Variants in MAF observed in about 807,000 individuals in gnomAD.
MAF encodes transcription factor Maf.
MAF carries 10 observed loss-of-function variants against 22.0 expected under a neutral mutation model. The ratio of observed to expected loss-of-function variants is 0.45; its 90% CI spans 0.28 to 0.77. The LOEUF is 0.77. MAF is among the 30% of genes least tolerant of loss of function. The pLI, the probability that MAF is intolerant of heterozygous loss-of-function variation, is 0.12. For synonymous variants in MAF, 337 were observed against 255.8 expected (o/e 1.32, Z -3.03); for missense variants, 544 against 548.4 (o/e 0.99, Z 0.08).
At chr16:79,488,386 C>T in the MAF span, among the ~76,000 whole-genome samples, 4 of 152,144 alleles carry the variant, frequency 2.6e-5, no homozygotes, top group Non-Finnish European at 4.4e-5. Context: ...TGGGGCGAGA[C>T]TGCTTGGGAT....
At chr16:79,486,470 A>G in the MAF span, among the ~76,000 whole-genome samples, 4 of 152,214 alleles carry the variant, frequency 2.6e-5, no homozygotes, top group Admixed American at 6.5e-5. Context: ...AAACATAACA[A>G]TATTTTACCC....
the MAF span, among the ~76,000 whole-genome samples, chr16:79,512,551 A>G: frequency 2.0e-3 from 310 of 152,236 alleles, 3 homozygotes; most frequent in African/African-American, 7.1e-3. Context: ...CCAGCTCACC[A>G]TCTGAGCTGA....
the MAF span, among the ~76,000 whole-genome samples, chr16:79,219,285 G>C: frequency 2.6e-5 from 4 of 152,174 alleles, no homozygotes; most frequent in Admixed American, 1.3e-4. Flanking sequence ...TCTGATGCTG[G>C]GCATTCCCTG....
At chr16:79,221,240 G>C in the MAF span, among the ~76,000 whole-genome samples, 3 of 152,264 alleles carry the variant, frequency 2.0e-5, no homozygotes, top group African/African-American at 7.2e-5. Context: ...AGATTTGAAG[G>C]ACTTTATGAT....
the MAF span, among the ~76,000 whole-genome samples, chr16:79,293,553 C>T: frequency 6.6e-6 from 1 of 152,120 alleles, no homozygotes; most frequent in Non-Finnish European, 1.5e-5. Flanking sequence ...ATGAGTGATG[C>T]TAGACACCCA....
At chr16:79,574,148 C>G in the MAF span, among the ~76,000 whole-genome samples, 1 of 152,146 alleles carries the variant, frequency 6.6e-6, no homozygotes, top group African/African-American at 2.4e-5. Flanking sequence ...TCTTACAAGG[C>G]AGAGTGAAGA....
downstream of MAF, among the ~76,000 whole-genome samples, chr16:79,584,232 G>T (rs533779098): frequency 6.6e-6 from 1 of 152,302 alleles, no homozygotes; most frequent in South Asian, 2.1e-4. Context: ...CCAGAGAGCA[G>T]AAAAGCTAGT....
the MAF span, among the ~76,000 whole-genome samples, chr16:79,242,531 C>T: frequency 6.6e-6 from 1 of 151,824 alleles, no homozygotes; most frequent in Non-Finnish European, 1.5e-5. Context: ...GCACCCAATA[C>T]CGGAGCACCC....
chr16:79,471,526 A>T, the MAF span, among the ~76,000 whole-genome samples: 1 of 152,084 alleles, frequency 6.6e-6, no homozygotes, highest in South Asian at 2.1e-4. Flanking sequence ...AACCCACAAA[A>T]ATTAGTTGGG....
At chr16:79,508,041 G>A in the MAF span, among the ~76,000 whole-genome samples, 3 of 152,118 alleles carry the variant, frequency 2.0e-5, no homozygotes, top group East Asian at 5.8e-4. Context: ...ATGGACGTGA[G>A]GACTAGATTT....
At chr16:79,316,982 A>G in the MAF span, among the ~76,000 whole-genome samples, 1 of 152,200 alleles carries the variant, frequency 6.6e-6, no homozygotes, top group African/African-American at 2.4e-5. Flanking sequence ...GCAAAAGAAG[A>G]AAACAGGCTT....
the MAF span, among the ~76,000 whole-genome samples, chr16:79,536,084 A>C: frequency 6.6e-6 from 1 of 152,198 alleles, no homozygotes; most frequent in Non-Finnish European, 1.5e-5. Context: ...CAGACAGATA[A>C]ACCCTTTCTC....
the MAF span, among the ~76,000 whole-genome samples, chr16:79,334,426 AG>A: frequency 6.6e-6 from 1 of 152,130 alleles, no homozygotes; most frequent in Non-Finnish European, 1.5e-5. Context: ...GGTCACCTCT[AG>A]GGGGCGCTGA....
the MAF span, among the ~76,000 whole-genome samples, chr16:79,217,969 A>G: frequency 3.1e-5 from 4 of 128,456 alleles, no homozygotes; most frequent in Non-Finnish European, 6.2e-5. Flanking sequence ...AGCAGGCACC[A>G]TTTTTAGAAG....
chr16:79,204,419 C>T, the MAF span: 1 of 152,062 alleles, frequency 6.6e-6, no homozygotes, highest in South Asian at 2.1e-4. Flanking sequence ...TTAGGAGTAC[C>T]CTCACCCTAA....
chr16:79,242,826 C>T, the MAF span, among the ~76,000 whole-genome samples: 410 of 151,996 alleles, frequency 2.7e-3, 1 homozygote, highest in Non-Finnish European at 4.7e-3. Flanking sequence ...TCAGCAAATG[C>T]AAAATAATGG....
chr16:79,545,526 A>G, the MAF span, among the ~76,000 whole-genome samples: 4 of 16,408 alleles, frequency 2.4e-4, no homozygotes, highest in African/African-American at 7.8e-4. Flanking sequence ...AAGCCATTGG[A>G]AAAAAAAAAA....
chr16:79,356,252 C>T, the MAF span, among the ~76,000 whole-genome samples: 1 of 152,154 alleles, frequency 6.6e-6, no homozygotes, highest in Non-Finnish European at 1.5e-5. Flanking sequence ...CTATACCCTG[C>T]CATCACACAT....
chr16:79,465,856 C>G, the MAF span, among the ~76,000 whole-genome samples: 4 of 152,258 alleles, frequency 2.6e-5, no homozygotes, highest in East Asian at 7.7e-4. Context: ...TATGTCACCT[C>G]CCTTGGGAAA....
Sources: allele counts gnomAD v4.1 joint callset (sites outside exome capture counted in the v4.1 genomes callset), GRCh38; gene constraint gnomAD v4.1.1; transcripts MANE v1.5; gene names NCBI Gene and HGNC (gene_info 2026-07-23, HGNC 2026-07-21).